The following CCDC157 variants were observed in gnomAD, a reference collection of about 807,000 sequenced individuals.
The protein encoded by CCDC157 is coiled-coil domain-containing protein 157.
In CCDC157, 60 loss-of-function variants were observed where a neutral mutation model predicts 70.9. That is an observed-to-expected ratio of 0.85 (90% CI 0.69 to 1.05). CCDC157 has a LOEUF of 1.05. Ranked by LOEUF, CCDC157 falls within the 50% of genes least tolerant of loss-of-function variation. CCDC157 has a pLI of 0.00. For synonymous variants in CCDC157, 373 were observed against 422.4 expected, an observed-to-expected ratio of 0.88 and a Z score of 1.43; for missense variants, 943 against 984.2, an observed-to-expected ratio of 0.96 and a Z score of 0.56.
chr22:30,372,805 G>T (rs1013228783), intron 7 of CCDC157: 31 of 155,778 alleles, frequency 2.0e-4, no homozygotes, highest in Non-Finnish European at 3.8e-4. Context: ...AGTGAAAGGG[G>T]CAGGTCTGGG....
At chr22:30,361,659 C>T (rs1932359900) in intron 1 of CCDC157, among the ~76,000 whole-genome samples, 1 of 152,214 alleles carries the variant, frequency 6.6e-6, no homozygotes, top group East Asian at 1.9e-4. Context: ...ATGGTGGACT[C>T]AGAATCTCAA....
rs776024216 is a variant in CCDC157 at position 30,370,620 on chromosome 22, A to G, written c.715A>G (p.Ile239Val). 1 of 1,614,108 alleles carries G rather than the reference A, an allele frequency of 6.2e-7. No homozygotes were observed. The highest frequency in any genetic ancestry group is 8.5e-7 in the Non-Finnish European group (1 of 1,180,032). The change falls in exon 5 of 12, where the codon ATC (isoleucine) becomes GTC (valine). Residue 239 changes from isoleucine (I) to valine (V), a missense_variant. Coordinates refer to ENST00000338306, the MANE Select transcript of CCDC157 (RefSeq NM_001017437.5). ...GSLQKVGKVV[I>V]SLCQSQNLPS... ...CCTGCAGAAGGTGGGCAAGGTGGTC[A>G]TCAGCCTGTGTCAGAGCCAGAACCT...
chr22:30,366,382 C>A, intron 3 of CCDC157, 134 bp downstream of exon 3: 2 of 1,044,328 alleles, frequency 1.9e-6, no homozygotes, highest in Non-Finnish European at 2.9e-6. Flanking sequence ...CTGTCGGGGC[C>A]ACATCAGCTC....
Position 30,370,719 on chromosome 22 carries a change from G to T in CCDC157, c.814G>T (p.Val272Leu). ...GCTCAGGCCACTGCCGGCTGCCACC[G>T]TGGGCCGCTGGGCAGCAGAGCAGAG... ...MGLRPLPAAT[V>L]GRWAAEQRKD... Residue 272 changes from valine to leucine, a missense_variant, in exon 5 of 12, where the codon GTG (valine) becomes TTG (leucine). By Grantham distance (32) the Val-to-Leu change is conservative. Coordinates refer to ENST00000338306, the MANE Select transcript of CCDC157 (RefSeq NM_001017437.5). 1 of 1,613,402 alleles carries T rather than the reference G, an allele frequency of 6.2e-7. No homozygotes were observed. The highest frequency in any genetic ancestry group is 1.1e-5 in the South Asian group (1 of 91,062).
At position 30,373,701 on chromosome 22, in the gene CCDC157, C is replaced by A; in HGVS notation, c.1440C>A (p.Ala480=). ...GSLDEAEAQR[A]RVEEQLQSER... is the part of the protein sequence containing the mutation. Reference sequence around the variant, plus strand: ...TGGACGAGGCTGAGGCCCAGCGGGCCCGCGTGGAGGAGCAGCTGCAGAGCG... The same window carrying A: ...TGGACGAGGCTGAGGCCCAGCGGGCACGCGTGGAGGAGCAGCTGCAGAGCG... The change falls in exon 8 of 12, where the codon GCC becomes GCA. Residue 480 remains alanine (A), a synonymous_variant. Coordinates refer to ENST00000338306, the MANE Select transcript of CCDC157 (RefSeq NM_001017437.5). 6.4e-7 allele frequency: 1 copy of A among 1,553,164 alleles called. No individual in the cohort carries two copies. The highest frequency in any genetic ancestry group is 2.4e-5 in the East Asian group (1 of 41,400).
chr22:30,375,916 G>C (rs535007534), intron 10 of CCDC157: 5 of 553,238 alleles, frequency 9.0e-6, no homozygotes, highest in Non-Finnish European at 1.6e-5. Context: ...GGCCGGGTGC[G>C]GCGGCTCATG....
Position 30,378,218 on chromosome 22 carries a change from T to G in CCDC157, c.*1473T>G. On this transcript the variant is annotated 3_prime_UTR_variant, in exon 12 of 12. Transcript: ENST00000338306. ...TCAAATCCCTGACTTCCTCCTCTTC[T>G]ACCAGCAGAAAACTACTTTGAATAG... is the stretch of plus-strand genomic sequence containing the variant. The G allele has an allele frequency of 2.1e-6, 1 of 468,798 alleles. No individual in the cohort carries two copies. The highest frequency in any genetic ancestry group is 4.4e-6 in the Non-Finnish European group (1 of 225,510). The allele number at this position is 468,798 out of a possible 1,614,324, so 29.0% of individuals were successfully genotyped here. A position where few individuals can be genotyped will look rare whatever the true frequency, so the allele number is the denominator to read the frequency against.
At chr22:30,365,817 C>G in intron 2 of CCDC157, 173 bp from the exon 3 acceptor site, 1 of 639,570 alleles carries the variant, frequency 1.6e-6, no homozygotes, top group Non-Finnish European at 2.7e-6. Flanking sequence ...GTAAGGCCAC[C>G]CAGAACCGGG....
At chr22:30,371,127 G>A in intron 5 of CCDC157, 177 bp downstream of exon 5, 1 of 760,288 alleles carries the variant, frequency 1.3e-6, no homozygotes, top group Non-Finnish European at 2.1e-6. Context: ...ATCCGGTGGT[G>A]ACACTGTGAT....
intron 1 of CCDC157, among the ~76,000 whole-genome samples, chr22:30,361,460 GAGA>G (rs1461518148): frequency 1.3e-5 from 2 of 152,100 alleles, no homozygotes; most frequent in South Asian, 4.2e-4. Context: ...GCCTGCTTCA[GAGA>G]AGAAGGATGA....
chr22:30,359,786 T>C (rs1351732706), intron 1 of CCDC157, among the ~76,000 whole-genome samples: 1 of 152,274 alleles, frequency 6.6e-6, no homozygotes, highest in African/African-American at 2.4e-5. Context: ...TTAAAGTTAA[T>C]TGACCTTTAT....
intron 3 of CCDC157, among the ~76,000 whole-genome samples, chr22:30,367,982 C>T (rs896873056): frequency 4.6e-5 from 7 of 152,086 alleles, no homozygotes; most frequent in Non-Finnish European, 7.4e-5. Flanking sequence ...ACCTAAGAAG[C>T]GGAGGTTGCA....
chr22:30,370,358 C>T lies in CCDC157; in HGVS notation c.453C>T (p.Ser151=). 2 of 1,614,022 alleles carry T rather than the reference C, an allele frequency of 1.2e-6. No homozygotes were observed. Among genetic ancestry groups the T allele is most frequent in the Non-Finnish European group, 1.7e-6 (2 of 1,179,994 alleles). The change falls in exon 5 of 12, where the codon TCC becomes TCT. Residue 151 remains serine, a synonymous_variant. Coordinates refer to ENST00000338306, the MANE Select transcript of CCDC157 (RefSeq NM_001017437.5). The stretch of plus-strand genomic sequence containing the variant: ...CAAACCAAAGGGAGACTCCCACCTC[C>T]AAGCCCACCACCAAGGGCGAGCCAG... ...KGANQRETPT[S]KPTTKGEPAR...
chr22:30,369,639 C>T (rs1365294213), intron 4 of CCDC157, 36 bp downstream of exon 4: 2 of 1,436,008 alleles, frequency 1.4e-6, no homozygotes, highest in South Asian at 1.4e-5. Flanking sequence ...GGGTCAGCCT[C>T]AGCCTCTATC....
At position 30,357,605 on chromosome 22, in the gene CCDC157, A is replaced by G. The variant is rs575640568; in HGVS notation, c.-166+473A>G. Reference sequence around the variant, plus strand: ...CTGCAACCTCCGCCTCCCGAGTTCAAGCGATTCTCCTGCCTCAGCCTCCCG... The same window carrying G: ...CTGCAACCTCCGCCTCCCGAGTTCAGGCGATTCTCCTGCCTCAGCCTCCCG... On this transcript the variant is annotated intron_variant, in intron 1 of 11. Transcript: ENST00000338306. 1.1e-4 allele frequency among the ~76,000 whole-genome samples: 17 copies of G among 151,656 alleles called. No individual in the cohort carries two copies. The South Asian group carries it at 3.5e-3, about 32-fold the overall frequency.
At chr22:30,365,715 G>A in intron 2 of CCDC157, among the ~76,000 whole-genome samples, 1 of 152,158 alleles carries the variant, frequency 6.6e-6, no homozygotes, top group East Asian at 1.9e-4. Flanking sequence ...CCAGCCTTGA[G>A]CAGGGGGCCC....
At position 30,377,044 on chromosome 22, in the gene CCDC157, A is replaced by G. The variant is rs1472584363; in HGVS notation, c.*299A>G. On this transcript the variant is annotated 3_prime_UTR_variant, in exon 12 of 12. Coordinates refer to ENST00000338306, the MANE Select transcript of CCDC157 (RefSeq NM_001017437.5). Reference sequence around the variant, plus strand: ...AGAGGAAGCTCCTAAGACCTGGGCCAGGTGAAGGTCCGTTTTTCTATCCCC... The same window carrying G: ...AGAGGAAGCTCCTAAGACCTGGGCCGGGTGAAGGTCCGTTTTTCTATCCCC... 3 of 464,040 alleles carry G rather than the reference A, an allele frequency of 6.5e-6. No homozygotes were observed. In the East Asian group the frequency reaches 1.1e-4, roughly 17 times the overall value. The allele number at this position is 464,040 out of a possible 1,614,324, so 28.7% of individuals were successfully genotyped here. A position where few individuals can be genotyped will look rare whatever the true frequency, so the allele number is the denominator to read the frequency against.
Position 30,376,756 on chromosome 22 carries a change from A to G in CCDC157, c.*11A>G, listed in dbSNP as rs779828342. The G allele has an allele frequency of 2.4e-5, 38 of 1,604,626 alleles. No homozygotes were observed. The highest frequency in any genetic ancestry group is 3.1e-5 in the Non-Finnish European group (36 of 1,173,952). On this transcript the variant is annotated 3_prime_UTR_variant, in exon 12 of 12. Transcript: ENST00000338306. ...GAGCGGCCCATGTAGCCTGTGGCCC[A>G]GGGCTGAGGCTGGATGGGAGGTGGC...
At chr22:30,374,177 C>T (rs1933169299) in intron 9 of CCDC157, 86 bp downstream of exon 9, 1 of 1,458,816 alleles carries the variant, frequency 6.9e-7, no homozygotes, top group Non-Finnish European at 9.3e-7. Context: ...CTGGGGACTG[C>T]AGCTCCCTAG....
Sources: allele counts gnomAD v4.1 joint callset (sites outside exome capture counted in the v4.1 genomes callset), GRCh38; gene constraint gnomAD v4.1.1; transcripts MANE v1.5; gene names NCBI Gene and HGNC (gene_info 2026-07-23, HGNC 2026-07-21).